Variants in NCOA6 observed in about 807,000 individuals in gnomAD.
NCOA6 encodes NRC RAP250.
A neutral mutation model predicts 171.4 loss-of-function variants in NCOA6; 49 were observed. The observed-to-expected ratio is 0.29, with a 90% CI of 0.23 to 0.36. The LOEUF (loss-of-function observed/expected upper bound fraction) is 0.36, where lower values mean the gene tolerates loss of function less well. Among genes scored for constraint, NCOA6 ranks in the 10% least tolerant of loss-of-function variants. NCOA6 has a pLI of 1.00. For synonymous variants in NCOA6, 910 were observed against 927.5 expected (o/e 0.98, Z 0.34); for missense variants, 2,248 against 2,554.5 (o/e 0.88, Z 2.59).
At chr20:34,769,658 C>T (rs189728159) in intron 4 of NCOA6, among the ~76,000 whole-genome samples, 10 of 152,258 alleles carry the variant, frequency 6.6e-5, no homozygotes, top group Non-Finnish European at 8.8e-5. Context: ...GCCACGGTGC[C>T]CAGCCTGCAT....
At position 34,806,475 on chromosome 20, in the gene NCOA6, T is replaced by C. The variant is rs1291370383; in HGVS notation, c.-163-13912A>G. ...TTTAAGGTCTTATCTATAAAACCTT[T>C]GCACAGACCAATGTCCTGAAGTGTT... On this transcript the variant is annotated intron_variant, in intron 1 of 14. Coordinates refer to ENST00000359003, the MANE Select transcript of NCOA6 (RefSeq NM_014071.5). Among the ~76,000 whole-genome samples the C allele has an allele frequency of 2.6e-5, 4 of 152,344 alleles. No homozygotes were observed. In the South Asian group the frequency reaches 8.3e-4, roughly 32 times the overall value.
intron 1 of NCOA6, among the ~76,000 whole-genome samples, chr20:34,793,785 T>G (rs555129035): frequency 6.6e-6 from 1 of 152,012 alleles, no homozygotes; most frequent in Non-Finnish European, 1.5e-5. Flanking sequence ...TCTCCCTATA[T>G]AGAATGATAT....
chr20:34,722,684 GAAAA>G (rs112692497), intron 14 of NCOA6, among the ~76,000 whole-genome samples: 1 of 90,508 alleles, frequency 1.1e-5, no homozygotes, highest in Non-Finnish European at 2.4e-5. Flanking sequence ...TGTCTCAAAT[GAAAA>G]AAAAAAAAAA....
intron 14 of NCOA6, among the ~76,000 whole-genome samples, chr20:34,721,750 G>C (rs563124683): frequency 3.9e-5 from 6 of 152,146 alleles, no homozygotes; most frequent in Admixed American, 3.9e-4. Flanking sequence ...ATGGCCCGGG[G>C]ATTGGGGACC....
At chr20:34,794,280 C>G (rs1044686091) in intron 1 of NCOA6, among the ~76,000 whole-genome samples, 2 of 152,140 alleles carry the variant, frequency 1.3e-5, no homozygotes, top group African/African-American at 4.8e-5. Flanking sequence ...CTGGGCAACA[C>G]AGTGAAACTT....
chr20:34,775,503 G>A (rs1302497806), intron 4 of NCOA6, among the ~76,000 whole-genome samples: 4 of 151,538 alleles, frequency 2.6e-5, no homozygotes, highest in South Asian at 2.1e-4. Flanking sequence ...TGGCCAAGAC[G>A]GTGAAACCCC....
At position 34,825,452 on chromosome 20, in the gene NCOA6, C is replaced by G. The variant is rs2079126888; in HGVS notation, c.-164+20G>C. On this transcript the variant is annotated intron_variant, in intron 1 of 14. Coordinates refer to ENST00000359003, the MANE Select transcript of NCOA6 (RefSeq NM_014071.5). ...CCCGGCGGGCCCACCCCTTACGGGC[C>G]CGCGCCGCCGTCCCCTCACCTGAGC... 6.7e-6 allele frequency: 1 copy of G among 149,048 alleles called. No homozygotes were observed. Among genetic ancestry groups the G allele is most frequent in the Non-Finnish European group, 1.5e-5 (1 of 66,856 alleles). The allele number at this position is 149,048 out of a possible 1,614,324, so 9.2% of individuals were successfully genotyped here.
chr20:34,736,614 C>T lies in NCOA6; in HGVS notation c.5962+76G>A, dbSNP rs760313768. On this transcript the variant is annotated intron_variant, in intron 12 of 14. Transcript: ENST00000359003. The stretch of plus-strand genomic sequence containing the variant: ...TGTCACTTCCTGGCATAAGAACACA[C>T]GACATTGAGGACAGCAGTAGTTCCT... 2.1e-4 allele frequency: 258 copies of T among 1,222,040 alleles called. 1 individual carries two copies. Among genetic ancestry groups the T allele is most frequent in the Admixed American group, 1.1e-3 (48 of 42,628 alleles). 75.7% of individuals were successfully genotyped at this position (1,222,040 alleles called of 1,614,324 possible).
Position 34,742,822 on chromosome 20 carries a change from C to T in NCOA6, c.3434G>A (p.Gly1145Glu). ...ASGSEAPSVP[G>E]GPNNMPSHVV... is the part of the protein sequence containing the mutation. Reference sequence around the variant, plus strand: ...ATGTGAAGGCATGTTGTTTGGGCCTCCTGGGACAGATGGTGCTTCACTGCC... The same window carrying T: ...ATGTGAAGGCATGTTGTTTGGGCCTTCTGGGACAGATGGTGCTTCACTGCC... The change falls in exon 11 of 15, where the codon GGA becomes GAA. Residue 1145 changes from glycine to glutamate, a missense_variant. This residue lies in a region of NCOA6 where 352 missense variants were observed against 419.1 expected (regional missense o/e 0.84). Transcript: ENST00000359003. 1 of 1,614,164 alleles carries T rather than the reference C, an allele frequency of 6.2e-7. No individual in the cohort carries two copies. Among genetic ancestry groups the T allele is most frequent in the Non-Finnish European group, 8.5e-7 (1 of 1,180,028 alleles).
chr20:34,750,374 G>A lies in NCOA6; in HGVS notation c.1821C>T (p.Ser607=), dbSNP rs2076434405. ...GTSGVPQVNL[S]NMQGQPQQGP... Reference sequence around the variant, plus strand: ...CCTGCTGGGGCTGGCCTTGCATGTTGCTGAGGTTCACTTGAGGAACCCCAG... The same window carrying A: ...CCTGCTGGGGCTGGCCTTGCATGTTACTGAGGTTCACTTGAGGAACCCCAG... Residue 607 remains serine, a synonymous_variant, in exon 9 of 15, where the codon AGC becomes AGT. Transcript: ENST00000359003. 2 of 1,614,100 alleles carry A rather than the reference G, an allele frequency of 1.2e-6. No homozygotes were observed. Among genetic ancestry groups the A allele is most frequent in the Non-Finnish European group, 1.7e-6 (2 of 1,180,008 alleles).
Position 34,722,362 on chromosome 20 carries a change from T to C in NCOA6, c.6148+4897A>G, listed in dbSNP as rs568496804. Among the ~76,000 whole-genome samples, 5 of 151,342 alleles carry C rather than the reference T, an allele frequency of 3.3e-5. No homozygotes were observed. The East Asian group carries it at 9.7e-4, about 29-fold the overall frequency. ...CACCATTGCACTCCAGCCTGGGCGA[T>C]GGAGTGAGACTCCGTCTAAAAATAA... On this transcript the variant is annotated intron_variant, in intron 14 of 14. Transcript: ENST00000359003.
In NCOA6 at chr20:34,772,185, G is replaced by A. The variant is rs6142239; in HGVS notation, c.392-3599C>T. On this transcript the variant is annotated intron_variant, in intron 4 of 14. Transcript: ENST00000359003. ...AAATTAGTCAGGTCCGTGGTGGCAC[G>A]CACCTGTGGTCCTAGCTACTCAGGA... is the stretch of plus-strand genomic sequence containing the variant. 2.8e-4 allele frequency among the ~76,000 whole-genome samples: 43 copies of A among 152,120 alleles called. No individual in the cohort carries two copies. The South Asian group carries it at 7.9e-3, about 28-fold the overall frequency.
chr20:34,800,479 C>T (rs536621247), intron 1 of NCOA6, among the ~76,000 whole-genome samples: 1 of 152,126 alleles, frequency 6.6e-6, no homozygotes, highest in East Asian at 1.9e-4. Context: ...GATCTGTTGA[C>T]TACAAGAAAC....
chr20:34,757,665 T>C lies in NCOA6; in HGVS notation c.1083A>G (p.Pro361=), dbSNP rs148468430. 68 of 1,614,082 alleles carry C rather than the reference T, an allele frequency of 4.2e-5. No homozygotes were observed. The African/African-American group carries it at 8.0e-4, about 19-fold the overall frequency. ...AAGGCGTCTGTACCGTGGCTAAGGA[T>C]GGTCTTGCCTGGAGTTGCTGTTGCA... The part of the protein sequence containing the change: ...GPMQQQLQAR[P]SLATVQTPSH... Residue 361 remains proline (P), a synonymous_variant, in exon 7 of 15, where the codon CCA becomes CCG. Transcript: ENST00000359003.
rs772242719 is a variant in NCOA6 at position 34,757,653 on chromosome 20, C to T, written c.1095G>A (p.Thr365=). The T allele has an allele frequency of 3.8e-5, 62 of 1,613,984 alleles. No individual in the cohort carries two copies. The highest frequency in any genetic ancestry group is 4.9e-5 in the Non-Finnish European group (58 of 1,180,008). The change falls in exon 7 of 15, where the codon ACG becomes ACA. Residue 365 remains threonine (T), a synonymous_variant. Transcript: ENST00000359003. ...QQLQARPSLA[T]VQTPSHPPPP... is the part of the protein sequence containing the mutation. Reference sequence around the variant, plus strand: ...GGGGAGGGTGGGAAGGCGTCTGTACCGTGGCTAAGGATGGTCTTGCCTGGA... The same window carrying T: ...GGGGAGGGTGGGAAGGCGTCTGTACTGTGGCTAAGGATGGTCTTGCCTGGA...
At chr20:34,770,747 A>G (rs1349918317) in intron 4 of NCOA6, among the ~76,000 whole-genome samples, 1 of 151,500 alleles carries the variant, frequency 6.6e-6, no homozygotes, top group African/African-American at 2.4e-5. Flanking sequence ...CTCCTACCTC[A>G]GCCTCCCGAG....
chr20:34,796,463 A>ATACAAAAAAT (rs2078078716), intron 1 of NCOA6, among the ~76,000 whole-genome samples: 1 of 151,974 alleles, frequency 6.6e-6, no homozygotes, highest in Admixed American at 6.6e-5. Context: ...CTACAAAAAA[A>ATACAAAAAAT]TACAAAAAAT....
At chr20:34,796,506 C>T (rs1369797788) in intron 1 of NCOA6, among the ~76,000 whole-genome samples, 3 of 151,926 alleles carry the variant, frequency 2.0e-5, no homozygotes, top group Non-Finnish European at 1.5e-5. Context: ...CCTGTAGTCC[C>T]AGCTACTCAG....
intron 8 of NCOA6, among the ~76,000 whole-genome samples, chr20:34,753,643 G>A (rs2076560191): frequency 6.6e-6 from 1 of 151,648 alleles, no homozygotes; most frequent in South Asian, 2.1e-4. Flanking sequence ...TTGAGCGACG[G>A]AGCAAGACTC....
Sources: allele counts gnomAD v4.1 joint callset (sites outside exome capture counted in the v4.1 genomes callset), GRCh38; gene constraint gnomAD v4.1.1; regional missense constraint gnomAD v4.1.1; transcripts MANE v1.5; gene names NCBI Gene and HGNC (gene_info 2026-07-23, HGNC 2026-07-21).